Variants in ZYG11B observed in about 807,000 individuals in gnomAD.
ZYG11B encodes protein zyg-11 homolog B.
A neutral mutation model predicts 82.4 loss-of-function variants in ZYG11B; 36 were observed. That is an observed-to-expected ratio of 0.44 (90% CI 0.33 to 0.58). The LOEUF is 0.58. Among genes scored for constraint, ZYG11B ranks in the 20% least tolerant of loss-of-function variants. The pLI, the probability that ZYG11B is intolerant of heterozygous loss-of-function variation, is 0.02. For synonymous variants in ZYG11B, 303 were observed against 312.8 expected (o/e 0.97, Z 0.33); for missense variants, 552 against 895.6 (o/e 0.62, Z 4.90).
intron 13 of ZYG11B, among the ~76,000 whole-genome samples, chr1:52,817,815 ATTTTTT>A (rs1176871667): frequency 3.6e-5 from 1 of 27,676 alleles, no homozygotes; most frequent in Non-Finnish European, 6.3e-5. Context: ...ATATATATAT[ATTTTTT>A]TTTTTTTTTT....
rs1558139992 is a variant in ZYG11B, at chr1:52,803,099, C to CACATATATATAT, written c.1695+961_1695+962insCATATATATATA. 3.2e-3 allele frequency among the ~76,000 whole-genome samples: 35 copies of CACATATATATAT among 10,794 alleles called. 2 individuals are homozygous for CACATATATATAT. Among genetic ancestry groups the CACATATATATAT allele is most frequent in the Admixed American group, 0.018 (13 of 716 alleles). 7.1% of individuals were successfully genotyped at this position (10,794 alleles called of 152,430 possible). On this transcript the variant is annotated intron_variant, in intron 10 of 13. Transcript: ENST00000294353. ...ATATATATATACACATATATATATA[C>CACATATATATAT]ATATATATATATATATATACACACA... is the stretch of plus-strand genomic sequence containing the variant.
chr1:52,770,951 A>G (rs1644744983), intron 2 of ZYG11B, 69 bp from the exon 3 acceptor site: 8 of 1,510,508 alleles, frequency 5.3e-6, no homozygotes, highest in Non-Finnish European at 6.2e-6. Context: ...GGAAATGTAA[A>G]GTGTGATGGA....
At chr1:52,818,561 G>A (rs7416354) in intron 13 of ZYG11B, among the ~76,000 whole-genome samples, 4,036 of 152,092 alleles carry the variant, frequency 0.027, 143 homozygotes, top group East Asian at 0.18. Flanking sequence ...TGGCTCTGCT[G>A]CAAGTAAAAA....
chr1:52,738,606 CTTT>C (rs11390068), intron 1 of ZYG11B, among the ~76,000 whole-genome samples: 1 of 140,806 alleles, frequency 7.1e-6, no homozygotes, highest in Non-Finnish European at 1.5e-5. Context: ...TTTCTAAGGA[CTTT>C]TTTTTTTTTT....
At chr1:52,750,725 A>G (rs963294776) in intron 1 of ZYG11B, among the ~76,000 whole-genome samples, 2 of 152,108 alleles carry the variant, frequency 1.3e-5, no homozygotes, top group Non-Finnish European at 2.9e-5. Context: ...CATCACTCCA[A>G]AAAGAAGCCC....
At chr1:52,766,208 T>C (rs7512606) in intron 2 of ZYG11B, among the ~76,000 whole-genome samples, 88,872 of 150,276 alleles carry the variant, frequency 0.59, 28,995 homozygotes, top group East Asian at 0.97. Flanking sequence ...GCAACCCCTG[T>C]CTCCCAGGTT....
rs374002669 is a variant in ZYG11B, at chr1:52,774,171, G to A, written c.951+2397G>A. On this transcript the variant is annotated intron_variant, in intron 3 of 13. Transcript: ENST00000294353. ...TTTTTTTCCTCAGAGGCAGGGTCTT[G>A]CCCTGTTACCCAGGCTGGAGTACAG... 2.7e-4 allele frequency among the ~76,000 whole-genome samples: 40 copies of A among 150,730 alleles called. No individual in the cohort carries two copies. In the East Asian group the frequency reaches 7.0e-3, roughly 26 times the overall value.
chr1:52,809,065 A>G (rs913041831), intron 10 of ZYG11B, among the ~76,000 whole-genome samples: 1 of 152,128 alleles, frequency 6.6e-6, no homozygotes. Flanking sequence ...TTCAGGGTCA[A>G]TTTCAAGTGA....
chr1:52,726,498 G>GCTGCTA lies in ZYG11B; in HGVS notation c.-148_-143dup, dbSNP rs764080592. 16,426 of 628,272 alleles carry GCTGCTA rather than the reference G, an allele frequency of 0.026. 420 individuals carry two copies. The highest frequency in any genetic ancestry group is 0.099 in the African/African-American group (5,127 of 51,840). 38.9% of individuals were successfully genotyped at this position (628,272 alleles called of 1,614,324 possible). A position where few individuals can be genotyped will look rare whatever the true frequency, so the allele number is the denominator to read the frequency against. On this transcript the variant is annotated 5_prime_UTR_variant, in exon 1 of 14. Coordinates refer to ENST00000294353, the MANE Select transcript of ZYG11B (RefSeq NM_024646.3). ...GGCTGCGGCTGCGGCTGCGGCTGCG[G>GCTGCTA]CTGCTACTGCTACGCTCCTAGCTTG...
chr1:52,755,241 G>A (rs1644564079), intron 1 of ZYG11B, among the ~76,000 whole-genome samples: 6 of 151,740 alleles, frequency 4.0e-5, no homozygotes, highest in Admixed American at 3.9e-4. Context: ...GATTACAGGC[G>A]GGAGCCACTG....
At chr1:52,777,424 A>G (rs765283411) in intron 3 of ZYG11B, among the ~76,000 whole-genome samples, 12 of 152,038 alleles carry the variant, frequency 7.9e-5, no homozygotes, top group East Asian at 3.9e-4. Flanking sequence ...TCAAAGCTGC[A>G]TATTCCAATC....
intron 1 of ZYG11B, among the ~76,000 whole-genome samples, chr1:52,730,384 C>T (rs1410759810): frequency 3.9e-5 from 6 of 152,050 alleles, no homozygotes; most frequent in East Asian, 1.9e-4. Context: ...TGGAGTGCAG[C>T]GGCGTGATTA....
intron 2 of ZYG11B, among the ~76,000 whole-genome samples, chr1:52,764,081 G>A (rs1427130729): frequency 6.6e-6 from 1 of 151,836 alleles, no homozygotes; most frequent in Non-Finnish European, 1.5e-5. Flanking sequence ...CTTGAAAGAA[G>A]CCCTTGAGTT....
intron 1 of ZYG11B, among the ~76,000 whole-genome samples, chr1:52,729,931 C>A (rs371590119): frequency 1.3e-5 from 2 of 152,138 alleles, no homozygotes; most frequent in African/African-American, 4.8e-5. Flanking sequence ...CCTCAGCCTC[C>A]CAAGTAGCTG....
chr1:52,804,374 A>G (rs1174502864), intron 10 of ZYG11B, among the ~76,000 whole-genome samples: 2 of 152,176 alleles, frequency 1.3e-5, no homozygotes, highest in South Asian at 2.1e-4. Flanking sequence ...GCACTTTGGG[A>G]GGGTGAGGCA....
chr1:52,815,701 G>A (rs1331582220), intron 12 of ZYG11B, among the ~76,000 whole-genome samples: 1 of 152,080 alleles, frequency 6.6e-6, no homozygotes, highest in Non-Finnish European at 1.5e-5. Flanking sequence ...TTGGGAGGCC[G>A]AGGCGGGCAG....
chr1:52,778,768 A>G (rs1181138970), intron 3 of ZYG11B, among the ~76,000 whole-genome samples: 1 of 152,188 alleles, frequency 6.6e-6, no homozygotes, highest in Non-Finnish European at 1.5e-5. Flanking sequence ...TTTTAAGATA[A>G]GCGTATTATC....
intron 10 of ZYG11B, among the ~76,000 whole-genome samples, chr1:52,808,049 C>T (rs1231350997): frequency 2.0e-5 from 3 of 152,250 alleles, no homozygotes; most frequent in African/African-American, 4.8e-5. Context: ...ACGTTCTTTT[C>T]CTCTGGCTAC....
At chr1:52,756,019 C>T (rs1252105574) in intron 1 of ZYG11B, among the ~76,000 whole-genome samples, 2 of 152,230 alleles carry the variant, frequency 1.3e-5, no homozygotes, top group African/African-American at 2.4e-5. Context: ...AGGCTGGTCT[C>T]GAACTCCTGG....
Sources: gnomAD v4.1 joint callset for allele counts (sites outside exome capture counted in the v4.1 genomes callset) on GRCh38, gnomAD v4.1.1 for gene constraint, MANE v1.5 for transcripts, NCBI Gene and HGNC (gene_info 2026-07-23, HGNC 2026-07-21) for gene names.